ESRRG: variants seen among roughly 807,000 people sequenced by gnomAD.
The protein encoded by ESRRG is estrogen related receptor gamma, also known as estrogen-related receptor gamma.
A neutral mutation model predicts 44.0 loss-of-function variants in ESRRG; 13 were observed. The ratio of observed to expected loss-of-function variants is 0.30; its 90% confidence interval spans 0.19 to 0.47. ESRRG has a LOEUF of 0.47. Ranked by LOEUF, ESRRG falls within the 20% of genes least tolerant of loss-of-function variation. The pLI is 1.00. For synonymous variants in ESRRG, 215 were observed against 214.6 expected (o/e 1.00, Z -0.02); for missense variants, 395 against 580.6 (o/e 0.68, Z 3.29).
chr1:216,988,159 T>A (rs2075157641), intron 1 of ESRRG, among the ~76,000 whole-genome samples: 1 of 152,130 alleles, frequency 6.6e-6, no homozygotes. Context: ...AAAACACAAT[T>A]GGAAGAAAGT....
At chr1:217,081,899 G>A (rs1384744784) in intron 1 of ESRRG, among the ~76,000 whole-genome samples, 2 of 152,228 alleles carry the variant, frequency 1.3e-5, no homozygotes, top group African/African-American at 2.4e-5. Context: ...TGGCAAAAGT[G>A]CCAATGACAG....
At chr1:217,116,195 G>C (rs1008861863) in intron 1 of ESRRG, among the ~76,000 whole-genome samples, 1 of 152,084 alleles carries the variant, frequency 6.6e-6, no homozygotes, top group Non-Finnish European at 1.5e-5. Context: ...TCCATTTTAT[G>C]GATATAAATA....
chr1:216,605,087 C>T (rs2150209973), intron 3 of ESRRG, among the ~76,000 whole-genome samples: 1 of 152,244 alleles, frequency 6.6e-6, no homozygotes, highest in South Asian at 2.1e-4. Flanking sequence ...AGAACTAGGC[C>T]AGTAAACGTA....
At chr1:217,036,594 A>G (rs1332817505) in intron 1 of ESRRG, among the ~76,000 whole-genome samples, 1 of 152,166 alleles carries the variant, frequency 6.6e-6, no homozygotes, top group Non-Finnish European at 1.5e-5. Flanking sequence ...ACTCTCACTT[A>G]CAAGTGGGAG....
At chr1:216,956,064 A>G (rs1473665038) in intron 1 of ESRRG, among the ~76,000 whole-genome samples, 2 of 151,864 alleles carry the variant, frequency 1.3e-5, no homozygotes, top group Non-Finnish European at 2.9e-5. Context: ...TTTAATATCT[A>G]CTTTTTGGTT....
chr1:217,094,048 A>AT (rs1208046664), upstream of ESRRG, among the ~76,000 whole-genome samples: 4 of 151,564 alleles, frequency 2.6e-5, no homozygotes, highest in African/African-American at 7.3e-5. Context: ...ATGCCCAGCT[A>AT]TTTTTTTAAA....
At chr1:216,787,651 G>C (rs951549282) in intron 2 of ESRRG, among the ~76,000 whole-genome samples, 1 of 147,468 alleles carries the variant, frequency 6.8e-6, no homozygotes, top group Non-Finnish European at 1.5e-5. Flanking sequence ...AAGTGTTCAA[G>C]TGAAAGGAAG....
intron 2 of ESRRG, among the ~76,000 whole-genome samples, chr1:216,849,758 T>C (rs1473569897): frequency 6.6e-6 from 1 of 152,154 alleles, no homozygotes; most frequent in Admixed American, 6.6e-5. Context: ...GAAATTTCAG[T>C]ATCTTCCCAA....
intron 5 of ESRRG, among the ~76,000 whole-genome samples, chr1:216,540,326 T>C (rs914651843): frequency 6.6e-6 from 1 of 152,026 alleles, no homozygotes; most frequent in African/African-American, 2.4e-5. Flanking sequence ...TTTTCATTTA[T>C]TACACATTTT....
intron 2 of ESRRG, among the ~76,000 whole-genome samples, chr1:216,793,583 C>G (rs2094388374): frequency 6.6e-6 from 1 of 152,162 alleles, no homozygotes; most frequent in South Asian, 2.1e-4. Flanking sequence ...TGCCCAACAC[C>G]TTGAGTGCAA....
Position 216,677,185 on chromosome 1 carries a change from G to C in ESRRG, c.363C>G (p.Asn121Lys). 1 of 1,614,144 alleles carries C rather than the reference G, an allele frequency of 6.2e-7. No homozygotes were observed. Among genetic ancestry groups the C allele is most frequent in the Non-Finnish European group, 8.5e-7 (1 of 1,180,008 alleles). The change falls in exon 2 of 7, where the codon AAC becomes AAG. Residue 121 changes from asparagine (N) to lysine (K), a missense_variant. Asn to Lys is a moderately conservative substitution (Grantham distance 94). Transcript: ENST00000408911. Reference protein sequence around the residue: ...DPQTKCEYMLNSMPKRLCLVC... With the variant: ...DPQTKCEYMLKSMPKRLCLVC... The stretch of plus-strand genomic sequence containing the variant: ...CTAAACACAGTCTCTTGGGCATCGA[G>C]TTGAGCATGTATTCACACTTGGTCT...
chr1:216,633,336 G>C (rs1199982769), intron 3 of ESRRG, among the ~76,000 whole-genome samples: 5 of 152,128 alleles, frequency 3.3e-5, no homozygotes, highest in Non-Finnish European at 5.9e-5. Context: ...TGCAGGGGCT[G>C]GCAGGCTCCA....
chr1:216,603,849 C>G (rs1019311146), intron 3 of ESRRG, among the ~76,000 whole-genome samples: 14 of 151,248 alleles, frequency 9.3e-5, no homozygotes, highest in Admixed American at 2.0e-4. Flanking sequence ...ATGAGAATCA[C>G]TTGAACCCAG....
intron 2 of ESRRG, among the ~76,000 whole-genome samples, chr1:216,928,028 A>G (rs2062819007): frequency 2.0e-5 from 3 of 152,198 alleles, no homozygotes; most frequent in African/African-American, 7.2e-5. Flanking sequence ...AAAGACAAAG[A>G]GAAGAAAAGG....
At chr1:216,886,525 A>G (rs1226147663) in intron 2 of ESRRG, among the ~76,000 whole-genome samples, 1 of 152,206 alleles carries the variant, frequency 6.6e-6, no homozygotes, top group Admixed American at 6.5e-5. Context: ...AAGAATTGGC[A>G]ATACCAACAT....
chr1:217,109,157 G>T (rs987445), intron 1 of ESRRG, among the ~76,000 whole-genome samples: 47,829 of 151,840 alleles, frequency 0.31, 7,672 homozygotes, highest in South Asian at 0.36. Flanking sequence ...GTATCAGCTG[G>T]TTTTCCCACC....
intron 2 of ESRRG, among the ~76,000 whole-genome samples, chr1:216,893,217 T>G (rs2058028187): frequency 6.6e-6 from 1 of 152,182 alleles, no homozygotes; most frequent in Admixed American, 6.5e-5. Flanking sequence ...ACAGCATGTA[T>G]TGAGCAAACA....
At chr1:216,889,875 C>T (rs927990440) in intron 2 of ESRRG, among the ~76,000 whole-genome samples, 1 of 152,130 alleles carries the variant, frequency 6.6e-6, no homozygotes, top group Non-Finnish European at 1.5e-5. Context: ...GAAAAGGTCT[C>T]TTTTTATTTA....
rs199761805 is a variant in ESRRG, at chr1:216,631,085, G to T, written c.589+19888C>A. 2.0e-3 allele frequency among the ~76,000 whole-genome samples: 268 copies of T among 134,736 alleles called. 1 individual carries two copies. The highest frequency in any genetic ancestry group is 6.5e-3 in the African/African-American group (241 of 36,930). The allele number at this position is 134,736 out of a possible 152,430, so 88.4% of individuals were successfully genotyped here. ...TCCATCAGGTTAAACAGAGGGAAAA[G>T]AAAAAAAAAAAAAATCCTGATACTT... On this transcript the variant is annotated intron_variant, in intron 3 of 6. Transcript: ENST00000408911.
Sources: allele counts gnomAD v4.1 joint callset (sites outside exome capture counted in the v4.1 genomes callset), GRCh38; gene constraint gnomAD v4.1.1; transcripts MANE v1.5; gene names NCBI Gene and HGNC (gene_info 2026-07-23, HGNC 2026-07-21).